Variants in APLP2 observed in about 807,000 individuals in gnomAD.
APLP2 encodes amyloid beta precursor like protein 2.
Under a neutral mutation model 89.9 loss-of-function variants are expected in APLP2, and 53 were observed. The observed-to-expected ratio is 0.59, with a 90% CI of 0.47 to 0.74. The LOEUF is 0.74. Ranked by LOEUF, APLP2 falls within the 30% of genes least tolerant of loss-of-function variation. The probability of loss-of-function intolerance (pLI) is 0.00; values close to 1 mark genes in which losing one functional copy is unlikely to be tolerated. For synonymous variants in APLP2, 372 were observed against 348.6 expected, an observed-to-expected ratio of 1.07 and a Z score of -0.75; for missense variants, 973 against 975.9, an observed-to-expected ratio of 1.00 and a Z score of 0.04.
chr11:130,107,751 T>C (rs536740896), intron 1 of APLP2, among the ~76,000 whole-genome samples: 132 of 152,308 alleles, frequency 8.7e-4, no homozygotes, highest in Middle Eastern at 6.8e-3. Flanking sequence ...GAGCCCGCGT[T>C]GCCAAGTCAA....
At chr11:130,093,105 T>C (rs1945656775) in intron 1 of APLP2, among the ~76,000 whole-genome samples, 1 of 152,284 alleles carries the variant, frequency 6.6e-6, no homozygotes, top group African/African-American at 2.4e-5. Flanking sequence ...GGTGAGGGAC[T>C]GAGCAGTGAA....
At position 130,136,488 on chromosome 11, in the gene APLP2, G is replaced by C. The variant is rs962244603; in HGVS notation, c.1837+773G>C. ...TAAAGAGATTAAGTAACTTGCCCGA[G>C]GTCATGTAGCTTATAAGTGGAGAGT... On this transcript the variant is annotated intron_variant, in intron 13 of 16. Coordinates refer to ENST00000338167, the MANE Select transcript of APLP2 (RefSeq NM_001142276.2). Among the ~76,000 whole-genome samples, 5 of 152,248 alleles carry C rather than the reference G, an allele frequency of 3.3e-5. No homozygotes were observed. The South Asian group carries it at 6.2e-4, about 19-fold the overall frequency.
Position 130,143,463 on chromosome 11 carries a change from G to T in APLP2, c.*15G>T, listed in dbSNP as rs201861910. ...TGCAGATTTAGGTGGCAGGGAGCGC[G>T]GCAGCCCTGGCGGAGGGATGCAGGT... On this transcript the variant is annotated 3_prime_UTR_variant, in exon 17 of 17. Transcript: ENST00000338167. 4 of 1,606,796 alleles carry T rather than the reference G, an allele frequency of 2.5e-6. No individual in the cohort carries two copies. The Admixed American group carries it at 5.0e-5, about 20-fold the overall frequency.
At chr11:130,142,860 G>A (rs1202259110) in intron 16 of APLP2, among the ~76,000 whole-genome samples, 2 of 152,128 alleles carry the variant, frequency 1.3e-5, no homozygotes, top group South Asian at 2.1e-4. Flanking sequence ...TGATCCACCC[G>A]CCTCAGCCTC....
At chr11:130,128,954 G>A (rs1950645600) in intron 9 of APLP2, 94 bp from the exon 10 acceptor site, 1 of 1,396,488 alleles carries the variant, frequency 7.2e-7, no homozygotes, top group South Asian at 1.4e-5. Context: ...TCTCGCATGG[G>A]CACTGACAGG....
intron 1 of APLP2, among the ~76,000 whole-genome samples, chr11:130,093,640 C>G: frequency 6.6e-6 from 1 of 152,166 alleles, no homozygotes; most frequent in East Asian, 1.9e-4. Flanking sequence ...CCAACAGGGC[C>G]ACTGAGAGCT....
In APLP2 at chr11:130,140,471, G is replaced by A; in HGVS notation, c.1911G>A (p.Val637=). The A allele has an allele frequency of 6.2e-7, 1 of 1,610,192 alleles. No individual in the cohort carries two copies. Among genetic ancestry groups the A allele is most frequent in the Non-Finnish European group, 8.5e-7 (1 of 1,178,418 alleles). ...AAGTGATTAACAGTAAGAATAAAGT[G>A]GATGAAAACATGGTGAGCCTGTTCT... ...EEKVINSKNK[V]DENMVIDETL... is the part of the protein sequence containing the mutation. Residue 637 remains valine (V), a synonymous_variant, in exon 14 of 17, where the codon GTG becomes GTA. Transcript: ENST00000338167.
At chr11:130,102,426 G>A (rs1947068713) in intron 1 of APLP2, among the ~76,000 whole-genome samples, 2 of 152,192 alleles carry the variant, frequency 1.3e-5, no homozygotes, top group African/African-American at 4.8e-5. Context: ...ATACTCGTGT[G>A]TCTCATAAAG....
chr11:130,141,746 T>A lies in APLP2; in HGVS notation c.1999-173T>A. ...CTAAAATTAAAATCTCCATGGAGAT[T>A]GGGAAGAGTGGGCGTTCTCCACCTG... On this transcript the variant is annotated intron_variant, in intron 15 of 16. Transcript: ENST00000338167. This position sits in a 1 kb window ranked among gnomAD's most constrained non-coding sequence, Gnocchi z 4.2. 1.1e-6 allele frequency: 1 copy of A among 919,256 alleles called. No homozygotes were observed. Among genetic ancestry groups the A allele is most frequent in the Non-Finnish European group, 1.6e-6 (1 of 615,706 alleles). The allele number at this position is 919,256 out of a possible 1,614,324, so 56.9% of individuals were successfully genotyped here.
At chr11:130,101,816 CTT>C (rs1198894525) in intron 1 of APLP2, 1 of 405,728 alleles carries the variant, frequency 2.5e-6, no homozygotes, top group African/African-American at 2.1e-5. Context: ...TGTTAACTGA[CTT>C]ACAGACCTTA....
chr11:130,076,401 G>T (rs1338639499), intron 1 of APLP2, among the ~76,000 whole-genome samples: 1 of 152,144 alleles, frequency 6.6e-6, no homozygotes, highest in Admixed American at 6.5e-5. Flanking sequence ...TATATTATGT[G>T]CAAGTTCTCT....
At chr11:130,098,008 A>T (rs1158541744) in intron 1 of APLP2, among the ~76,000 whole-genome samples, 2 of 152,148 alleles carry the variant, frequency 1.3e-5, no homozygotes, top group Non-Finnish European at 2.9e-5. Context: ...CTCATTTTTC[A>T]GGGGGGCCAC....
At chr11:130,099,769 T>TG in intron 1 of APLP2, among the ~76,000 whole-genome samples, 1 of 152,336 alleles carries the variant, frequency 6.6e-6, no homozygotes, top group South Asian at 2.1e-4. Context: ...GCCAGTCATG[T>TG]GGGGACTTTG....
At chr11:130,127,986 T>C (rs1356101894) in intron 9 of APLP2, 146 bp downstream of exon 9, 1 of 677,948 alleles carries the variant, frequency 1.5e-6, no homozygotes, top group Non-Finnish European at 2.5e-6. Flanking sequence ...TGTTTTTCTT[T>C]TTCACCTCAA....
At chr11:130,093,668 A>T (rs935423319) in intron 1 of APLP2, among the ~76,000 whole-genome samples, 2 of 152,254 alleles carry the variant, frequency 1.3e-5, no homozygotes, top group East Asian at 3.8e-4. Flanking sequence ...GTGAGTGATG[A>T]AAAGAGCACA....
intron 1 of APLP2, among the ~76,000 whole-genome samples, chr11:130,106,694 CT>C (rs5795686): frequency 0.15 from 22,668 of 147,506 alleles, 4,702 homozygotes; most frequent in African/African-American, 0.47. Context: ...GGTCAGATTC[CT>C]TTTTTTTTTT....
At chr11:130,137,220 T>C in intron 13 of APLP2, 2 of 1,597,010 alleles carry the variant, frequency 1.3e-6, no homozygotes, top group Non-Finnish European at 1.7e-6. Flanking sequence ...TTTTGTGCTA[T>C]TTTATTTTGT....
In APLP2 at chr11:130,143,351, A is replaced by T; in HGVS notation, c.2159A>T (p.Asp720Val). 6.2e-7 allele frequency: 1 copy of T among 1,613,878 alleles called. No individual in the cohort carries two copies. The highest frequency in any genetic ancestry group is 8.5e-7 in the Non-Finnish European group (1 of 1,179,964). ...GTISHGIVEV[D>V]PMLTPEERHL... ...CCTCAGGTTTTGTTCTTCCAGGTTG[A>T]TCCAATGCTCACCCCAGAAGAGCGT... Residue 720 changes from aspartate to valine, a missense_variant, in exon 17 of 17, where the codon GAT (aspartate) becomes GTT (valine). Physicochemically the swap from Asp to Val is radical, Grantham distance 152. Coordinates refer to ENST00000338167, the MANE Select transcript of APLP2 (RefSeq NM_001142276.2).
chr11:130,119,444 G>A (rs914693912), intron 3 of APLP2, among the ~76,000 whole-genome samples: 28 of 152,158 alleles, frequency 1.8e-4, no homozygotes, highest in African/African-American at 5.1e-4. Flanking sequence ...GGCCAAACAA[G>A]AGACGATGAT....
Sources: allele counts gnomAD v4.1 joint callset (sites outside exome capture counted in the v4.1 genomes callset), GRCh38; gene constraint gnomAD v4.1.1; non-coding constraint Gnocchi (gnomAD v3.1); transcripts MANE v1.5; gene names NCBI Gene and HGNC (gene_info 2026-07-23, HGNC 2026-07-21).